The following PDE1C variants were observed in gnomAD, a reference collection of about 807,000 sequenced individuals.
PDE1C encodes the protein dual specificity calcium/calmodulin-dependent 3',5'-cyclic nucleotide phosphodiesterase 1C.
A neutral mutation model predicts 93.1 loss-of-function variants in PDE1C; 62 were observed. The ratio of observed to expected loss-of-function variants is 0.67; its 90% confidence interval spans 0.54 to 0.82. PDE1C has a LOEUF of 0.82. PDE1C is among the 40% of genes least tolerant of loss of function. The pLI is 0.00. For synonymous variants in PDE1C, 325 were observed against 310.1 expected, an observed-to-expected ratio of 1.05 and a Z score of -0.50; for missense variants, 742 against 884.6, an observed-to-expected ratio of 0.84 and a Z score of 2.04.
chr7:31,945,975 T>C (rs1281087842), intron 2 of PDE1C, among the ~76,000 whole-genome samples: 3 of 152,164 alleles, frequency 2.0e-5, no homozygotes, highest in African/African-American at 4.8e-5. Flanking sequence ...CCAAAGACAT[T>C]CTTCATTTCT....
intron 11 of PDE1C, among the ~76,000 whole-genome samples, chr7:31,831,945 C>T (rs6954532): frequency 1 from 151,818 of 152,262 alleles, 75,691 homozygotes; most frequent in East Asian, 1. Context: ...AGAAAGAAGC[C>T]CCTGAAATTG....
the PDE1C span, among the ~76,000 whole-genome samples, chr7:31,651,736 T>G: frequency 6.6e-6 from 1 of 151,468 alleles, no homozygotes; most frequent in Admixed American, 6.6e-5. Context: ...GCTCTTAAAA[T>G]AGGGGAACTA....
At chr7:31,942,710 T>C (rs1255415688) in intron 2 of PDE1C, among the ~76,000 whole-genome samples, 4 of 152,170 alleles carry the variant, frequency 2.6e-5, no homozygotes, top group Non-Finnish European at 5.9e-5. Context: ...TATAGTCTTG[T>C]CTGGATTAAA....
chr7:32,091,165 A>G (rs1015678167), intron 3 of PDE1C, among the ~76,000 whole-genome samples: 1 of 152,198 alleles, frequency 6.6e-6, no homozygotes. Flanking sequence ...AATTATTAGT[A>G]TTTCATAGAT....
intron 2 of PDE1C, among the ~76,000 whole-genome samples, chr7:32,045,182 A>G (rs942610221): frequency 6.7e-6 from 1 of 149,844 alleles, no homozygotes; most frequent in African/African-American, 2.5e-5. Flanking sequence ...AACTATATAG[A>G]CTCTCCATCA....
At position 31,772,230 on chromosome 7, in the gene PDE1C, G is replaced by C. The variant is rs149755766; in HGVS notation, c.1960+3434C>G. Among the ~76,000 whole-genome samples the C allele has an allele frequency of 2.2e-3, 330 of 152,116 alleles. 3 individuals are homozygous for C. The highest frequency in any genetic ancestry group is 7.6e-3 in the African/African-American group (317 of 41,474). ...GCAGATCCAATTCCAAAGCTAGCTC[G>C]GTCTGGCAGAAAAGCTGTCCCAATG... On this transcript the variant is annotated intron_variant, in intron 17 of 17. Coordinates refer to ENST00000396191, the MANE Select transcript of PDE1C (RefSeq NM_001191057.4).
At chr7:32,205,918 C>G (rs1253631055) in intron 2 of PDE1C, among the ~76,000 whole-genome samples, 3 of 152,156 alleles carry the variant, frequency 2.0e-5, no homozygotes, top group African/African-American at 7.2e-5. Context: ...AAGGAACAAA[C>G]TATGGACACA....
chr7:31,637,168 G>A, the PDE1C span, among the ~76,000 whole-genome samples: 1 of 151,950 alleles, frequency 6.6e-6, no homozygotes, highest in East Asian at 1.9e-4. Flanking sequence ...CCAAGTCTTT[G>A]CTATTGTGAA....
intron 1 of PDE1C, among the ~76,000 whole-genome samples, chr7:32,211,360 C>A (rs540337277): frequency 6.6e-6 from 1 of 152,206 alleles, no homozygotes; most frequent in African/African-American, 2.4e-5. Flanking sequence ...AGAACCACCA[C>A]ATGAATATAA....
intron 15 of PDE1C, among the ~76,000 whole-genome samples, chr7:31,812,755 A>G (rs970586475): frequency 5.9e-5 from 9 of 152,098 alleles, no homozygotes; most frequent in Non-Finnish European, 8.8e-5. Context: ...AAAGCATGCC[A>G]ATCCCTGGAA....
chr7:32,308,987 G>C (rs528293286), intron 1 of PDE1C, among the ~76,000 whole-genome samples: 2 of 151,820 alleles, frequency 1.3e-5, no homozygotes, highest in South Asian at 4.2e-4. Flanking sequence ...TGGCAAAGAA[G>C]TTAAAAACTG....
Position 32,051,508 on chromosome 7 carries a change from G to A in PDE1C, c.128+46C>T, listed in dbSNP as rs778166828. On this transcript the variant is annotated intron_variant, in intron 2 of 17. Transcript: ENST00000396191. ...CATGAGCCAGACTTGTGAAGAGCTG[G>A]GCCACAAATGAATCAACCAGTTGCA... 1.9e-6 allele frequency: 3 copies of A among 1,596,292 alleles called. No homozygotes were observed. The East Asian group carries it at 6.7e-5, about 36-fold the overall frequency.
At chr7:32,229,663 A>C (rs546978106) in intron 1 of PDE1C, among the ~76,000 whole-genome samples, 1 of 152,212 alleles carries the variant, frequency 6.6e-6, no homozygotes. Flanking sequence ...GGCAATCTGT[A>C]ATCTACCTCA....
intron 15 of PDE1C, among the ~76,000 whole-genome samples, chr7:31,812,256 G>C (rs1363502258): frequency 6.6e-6 from 1 of 152,120 alleles, no homozygotes; most frequent in Non-Finnish European, 1.5e-5. Flanking sequence ...GTGAAATCAA[G>C]CCAGCCTTGT....
At chr7:31,889,710 A>C (rs1461166910) in intron 2 of PDE1C, among the ~76,000 whole-genome samples, 1 of 152,186 alleles carries the variant, frequency 6.6e-6, no homozygotes, top group Non-Finnish European at 1.5e-5. Flanking sequence ...AGCTCACTGC[A>C]TGGGAACACC....
chr7:32,037,043 T>C (rs1387392795), intron 2 of PDE1C, among the ~76,000 whole-genome samples: 1 of 152,122 alleles, frequency 6.6e-6, no homozygotes, highest in South Asian at 2.1e-4. Flanking sequence ...ATTCTATCAA[T>C]TACGTAAGAA....
intron 2 of PDE1C, among the ~76,000 whole-genome samples, chr7:31,976,810 C>T (rs539887638): frequency 1.2e-4 from 19 of 152,262 alleles, no homozygotes; most frequent in East Asian, 1.9e-4. Flanking sequence ...AAAAAGCAAA[C>T]GCCATGGACC....
chr7:31,896,207 C>G (rs879259627), intron 2 of PDE1C, among the ~76,000 whole-genome samples: 5 of 152,094 alleles, frequency 3.3e-5, no homozygotes, highest in African/African-American at 9.7e-5. Flanking sequence ...CAGAGATGGG[C>G]ACAACTGTTG....
At chr7:31,808,651 C>A (rs1249850271) in intron 16 of PDE1C, among the ~76,000 whole-genome samples, 2 of 151,960 alleles carry the variant, frequency 1.3e-5, no homozygotes, top group East Asian at 3.9e-4. Context: ...AAACATGGAA[C>A]ATTTCTTATT....
Sources: allele counts gnomAD v4.1 joint callset (sites outside exome capture counted in the v4.1 genomes callset), GRCh38; gene constraint gnomAD v4.1.1; transcripts MANE v1.5; gene names NCBI Gene and HGNC (gene_info 2026-07-23, HGNC 2026-07-21).